Variants in LRRC4C observed in about 807,000 individuals in gnomAD.
The protein encoded by LRRC4C is leucine rich repeat containing 4C, also known as leucine-rich repeat-containing protein 4C.
LRRC4C carries 5 observed loss-of-function variants against 33.6 expected under a neutral mutation model. The ratio of observed to expected loss-of-function variants is 0.15; its 90% CI spans 0.08 to 0.31. The LOEUF is 0.31. Among genes scored for constraint, LRRC4C ranks in the 10% least tolerant of loss-of-function variants. LRRC4C has a pLI of 1.00. For missense variants in LRRC4C, 560 were observed against 796.7 expected, an observed-to-expected ratio of 0.70 and a Z score of 3.58; for synonymous variants, 329 against 302.0, an observed-to-expected ratio of 1.09 and a Z score of -0.93.
chr11:40,804,814 T>C (rs933087736), intron 2 of LRRC4C, among the ~76,000 whole-genome samples: 2 of 152,188 alleles, frequency 1.3e-5, no homozygotes, highest in African/African-American at 4.8e-5. Context: ...AACTCTTATG[T>C]AGAGAAACAT....
chr11:41,245,812 G>A (rs1393576664), intron 1 of LRRC4C, among the ~76,000 whole-genome samples: 1 of 152,206 alleles, frequency 6.6e-6, no homozygotes, highest in Admixed American at 6.5e-5. Flanking sequence ...AAGGTGAAGA[G>A]GTGCTTTATT....
At chr11:41,434,722 A>G (rs1955366914) in intron 1 of LRRC4C, among the ~76,000 whole-genome samples, 1 of 152,148 alleles carries the variant, frequency 6.6e-6, no homozygotes. Flanking sequence ...GGTAAGCAAG[A>G]CTTCCTGCTT....
intron 5 of LRRC4C, among the ~76,000 whole-genome samples, chr11:40,233,699 T>C (rs371096378): frequency 6.6e-6 from 1 of 152,284 alleles, no homozygotes; most frequent in East Asian, 1.9e-4. Context: ...GAGTGAACAA[T>C]GACATGTTTA....
At chr11:41,389,091 T>A (rs1251051757) in intron 1 of LRRC4C, among the ~76,000 whole-genome samples, 1 of 151,850 alleles carries the variant, frequency 6.6e-6, no homozygotes, top group East Asian at 1.9e-4. Context: ...ACACTACCAT[T>A]AGCTGAGATG....
chr11:40,909,731 T>A (rs1370577774), intron 2 of LRRC4C, among the ~76,000 whole-genome samples: 1 of 152,180 alleles, frequency 6.6e-6, no homozygotes, highest in African/African-American at 2.4e-5. Context: ...AGTTCTCTTT[T>A]CAGTTCTTTT....
At chr11:40,984,266 AAG>A (rs1852762755) in intron 1 of LRRC4C, among the ~76,000 whole-genome samples, 1 of 150,622 alleles carries the variant, frequency 6.6e-6, no homozygotes, top group Non-Finnish European at 1.5e-5. Flanking sequence ...ACAAGAAGGA[AAG>A]AAAGAAGGAA....
chr11:41,196,052 C>T (rs1946165673), intron 1 of LRRC4C, among the ~76,000 whole-genome samples: 1 of 152,012 alleles, frequency 6.6e-6, no homozygotes, highest in Non-Finnish European at 1.5e-5. Context: ...GCTTTCTTTG[C>T]TTATTTGGAC....
At chr11:40,331,612 T>G (rs1565281249) in intron 3 of LRRC4C, among the ~76,000 whole-genome samples, 1 of 152,156 alleles carries the variant, frequency 6.6e-6, no homozygotes, top group Admixed American at 6.5e-5. Flanking sequence ...CCCTCACCAG[T>G]GTGGGCAGGC....
intron 1 of LRRC4C, among the ~76,000 whole-genome samples, chr11:41,040,285 T>C (rs1857352587): frequency 6.6e-6 from 1 of 151,868 alleles, no homozygotes; most frequent in South Asian, 2.1e-4. Flanking sequence ...TTCTAGGAAA[T>C]GGTTCTGCCA....
At position 41,408,747 on chromosome 11, in the gene LRRC4C, TAAA is replaced by T. The variant is rs35914452; in HGVS notation, c.-496+50681_-496+50683del. The stretch of plus-strand genomic sequence containing the variant: ...ATTCTATGAGAAAGGTATATTTTTG[TAAA>T]AAAAAAAAAAAAAAAAACTGAGTCT... On this transcript the variant is annotated intron_variant, in intron 1 of 6. Coordinates refer to ENST00000528697, the MANE Select transcript of LRRC4C (RefSeq NM_001258419.2). Among the ~76,000 whole-genome samples, 329 of 131,768 alleles carry T rather than the reference TAAA, an allele frequency of 2.5e-3. 2 individuals are homozygous for T. The highest frequency in any genetic ancestry group is 8.0e-3 in the East Asian group (38 of 4,752). 86.4% of individuals were successfully genotyped at this position (131,768 alleles called of 152,430 possible).
intron 1 of LRRC4C, among the ~76,000 whole-genome samples, chr11:41,134,673 C>G (rs79813431): frequency 0.048 from 7,317 of 152,182 alleles, 286 homozygotes; most frequent in African/African-American, 0.11. Flanking sequence ...GGAGGATCCT[C>G]TTTTTATAAA....
intron 2 of LRRC4C, among the ~76,000 whole-genome samples, chr11:40,886,826 G>T (rs896999235): frequency 6.6e-6 from 1 of 151,244 alleles, no homozygotes; most frequent in African/African-American, 2.4e-5. Flanking sequence ...TCTCTCCACT[G>T]ACCCTCCCCT....
chr11:40,506,369 C>T (rs1955033086), intron 3 of LRRC4C, among the ~76,000 whole-genome samples: 1 of 152,140 alleles, frequency 6.6e-6, no homozygotes, highest in Admixed American at 6.6e-5. Flanking sequence ...CTTAACACTA[C>T]TGAATGAAAA....
intron 2 of LRRC4C, among the ~76,000 whole-genome samples, chr11:40,878,039 G>A (rs1954992464): frequency 6.6e-6 from 1 of 152,090 alleles, no homozygotes; most frequent in Non-Finnish European, 1.5e-5. Flanking sequence ...TTTCAAAGAA[G>A]CTCTCCAGTG....
chr11:41,406,529 A>G (rs77391478), intron 1 of LRRC4C, among the ~76,000 whole-genome samples: 7,447 of 152,096 alleles, frequency 0.049, 229 homozygotes, highest in Middle Eastern at 0.092. Flanking sequence ...GCAATGTACA[A>G]TCTGAAGAAT....
At chr11:40,949,228 T>C (rs1013047017) in intron 1 of LRRC4C, among the ~76,000 whole-genome samples, 1 of 152,184 alleles carries the variant, frequency 6.6e-6, no homozygotes, top group African/African-American at 2.4e-5. Context: ...TGTTTTTTTC[T>C]TGTAAATTTG....
At chr11:41,020,745 C>T (rs1196580507) in intron 1 of LRRC4C, among the ~76,000 whole-genome samples, 1 of 152,160 alleles carries the variant, frequency 6.6e-6, no homozygotes, top group Non-Finnish European at 1.5e-5. Context: ...ACTAACACAC[C>T]TGTCTATGTG....
At chr11:40,305,934 G>A (rs879341950) in intron 4 of LRRC4C, among the ~76,000 whole-genome samples, 2 of 152,192 alleles carry the variant, frequency 1.3e-5, no homozygotes, top group Admixed American at 6.5e-5. Flanking sequence ...CAAGTTGTGC[G>A]TTACTATGGG....
intron 3 of LRRC4C, among the ~76,000 whole-genome samples, chr11:40,529,061 C>T (rs1956171764): frequency 1.3e-5 from 2 of 152,078 alleles, no homozygotes; most frequent in South Asian, 4.1e-4. Flanking sequence ...TAGAGACCTG[C>T]TCTGCAGTAT....
Sources: allele counts gnomAD v4.1 joint callset (sites outside exome capture counted in the v4.1 genomes callset), GRCh38; gene constraint gnomAD v4.1.1; transcripts MANE v1.5; gene names NCBI Gene and HGNC (gene_info 2026-07-23, HGNC 2026-07-21).